The following ELMOD1 variants were observed in gnomAD, a reference collection of about 807,000 sequenced individuals.
ELMOD1 encodes ELMO domain-containing protein 1.
A neutral mutation model predicts 46.7 loss-of-function variants in ELMOD1; 21 were observed. The observed-to-expected ratio is 0.45, with a 90% CI of 0.32 to 0.65. ELMOD1 has a LOEUF of 0.65. ELMOD1 is among the 30% of genes least tolerant of loss of function. The pLI, the probability that ELMOD1 is intolerant of heterozygous loss-of-function variation, is 0.04. For synonymous variants in ELMOD1, 122 were observed against 138.2 expected (o/e 0.88, Z 0.82); for missense variants, 348 against 407.8 (o/e 0.85, Z 1.26).
chr11:107,607,058 G>A (rs1046642499), intron 1 of ELMOD1, among the ~76,000 whole-genome samples: 4 of 152,194 alleles, frequency 2.6e-5, no homozygotes, highest in South Asian at 4.2e-4. Context: ...ACAGAATAGC[G>A]TCCTTTCTCC....
intron 6 of ELMOD1, among the ~76,000 whole-genome samples, chr11:107,642,004 G>A (rs1434128339): frequency 7.0e-6 from 1 of 143,700 alleles, no homozygotes; most frequent in African/African-American, 2.6e-5. Context: ...GAGTGCAGTG[G>A]TGCCATCTCA....
At chr11:107,617,079 T>A (rs75834745) in intron 1 of ELMOD1, among the ~76,000 whole-genome samples, 1 of 152,222 alleles carries the variant, frequency 6.6e-6, no homozygotes, top group Non-Finnish European at 1.5e-5. Context: ...ACACACAAAG[T>A]TGAGAAGATC....
At chr11:107,639,964 C>G (rs1020447329) in intron 6 of ELMOD1, among the ~76,000 whole-genome samples, 1 of 152,124 alleles carries the variant, frequency 6.6e-6, no homozygotes, top group African/African-American at 2.4e-5. Flanking sequence ...GAAGAGCTTA[C>G]CTATTGGAAG....
intron 2 of ELMOD1, 106 bp from the exon 3 acceptor site, chr11:107,630,311 T>C: frequency 9.6e-7 from 1 of 1,040,656 alleles, no homozygotes; most frequent in South Asian, 1.8e-5. Context: ...AAGGTGATTT[T>C]TCTAACCCCT....
chr11:107,653,136 A>C (rs1421086083), intron 9 of ELMOD1, among the ~76,000 whole-genome samples: 1 of 152,206 alleles, frequency 6.6e-6, no homozygotes, highest in East Asian at 1.9e-4. Context: ...AGAAAAGGCC[A>C]TATGACCTTA....
intron 7 of ELMOD1, among the ~76,000 whole-genome samples, chr11:107,650,060 G>A (rs557878835): frequency 2.4e-4 from 37 of 151,972 alleles, no homozygotes; most frequent in Non-Finnish European, 4.3e-4. Context: ...AAAATCCTTG[G>A]TTCTCTGGGT....
chr11:107,654,278 GA>G (rs1866581820), intron 10 of ELMOD1, 56 bp downstream of exon 10: 10 of 1,424,404 alleles, frequency 7.0e-6, no homozygotes, highest in Non-Finnish European at 8.8e-6. Context: ...ACCAGAACTA[GA>G]ACTAGAGTAT....
At chr11:107,642,424 A>T (rs1017186541) in intron 6 of ELMOD1, among the ~76,000 whole-genome samples, 3 of 152,150 alleles carry the variant, frequency 2.0e-5, no homozygotes, top group African/African-American at 7.2e-5. Flanking sequence ...GCTGGAGTGC[A>T]GTGGCACGAT....
intron 9 of ELMOD1, 156 bp from the exon 10 acceptor site, chr11:107,654,016 C>A: frequency 1.6e-6 from 1 of 641,842 alleles, no homozygotes; most frequent in Non-Finnish European, 2.7e-6. Context: ...CATTTCTGAC[C>A]TCCATATAAA....
intron 11 of ELMOD1, among the ~76,000 whole-genome samples, chr11:107,663,475 C>T (rs1866780553): frequency 6.7e-6 from 1 of 148,372 alleles, no homozygotes; most frequent in African/African-American, 2.6e-5. Flanking sequence ...CAAGATCTTT[C>T]CTCTAAAAAA....
intron 1 of ELMOD1, among the ~76,000 whole-genome samples, chr11:107,606,833 A>G (rs1211631095): frequency 1.2e-4 from 19 of 152,082 alleles, no homozygotes; most frequent in Admixed American, 1.2e-3. Flanking sequence ...AAAAAAACCT[A>G]CATCGGTTTC....
At chr11:107,646,968 A>ATCTG (rs1436275655) in intron 6 of ELMOD1, among the ~76,000 whole-genome samples, 4 of 151,576 alleles carry the variant, frequency 2.6e-5, no homozygotes, top group African/African-American at 9.7e-5. Context: ...CTATCTATCT[A>ATCTG]TCTATCTATC....
chr11:107,663,457 C>A (rs1866780114), intron 11 of ELMOD1, among the ~76,000 whole-genome samples: 1 of 150,902 alleles, frequency 6.6e-6, no homozygotes, highest in Admixed American at 6.6e-5. Context: ...ACAGCCTGAG[C>A]AACATTGCAA....
intron 1 of ELMOD1, among the ~76,000 whole-genome samples, chr11:107,611,434 C>T (rs1235270893): frequency 2.6e-5 from 4 of 152,116 alleles, no homozygotes; most frequent in African/African-American, 9.7e-5. Flanking sequence ...GGTGTGGTGG[C>T]TCATGTCTGG....
chr11:107,630,274 A>C, intron 2 of ELMOD1, 143 bp from the exon 3 acceptor site: 1 of 647,862 alleles, frequency 1.5e-6, no homozygotes, highest in South Asian at 2.6e-5. Flanking sequence ...ATAAAGTAGC[A>C]TGGGACTAGA....
At chr11:107,635,565 T>G (rs1336589267) in intron 5 of ELMOD1, 71 bp from the exon 6 acceptor site, 4 of 1,500,378 alleles carry the variant, frequency 2.7e-6, no homozygotes, top group Non-Finnish European at 3.6e-6. Flanking sequence ...CATGCATACA[T>G]CAAGTGAACA....
chr11:107,646,769 C>CT (rs532834204), intron 6 of ELMOD1, among the ~76,000 whole-genome samples: 3,326 of 139,982 alleles, frequency 0.024, 31 homozygotes, highest in Middle Eastern at 0.034. Context: ...TGTCAGTTCA[C>CT]TTTTTTTTTT....
chr11:107,592,017 C>G (rs1261254567), intron 1 of ELMOD1: 5 of 497,930 alleles, frequency 1.0e-5, no homozygotes, highest in African/African-American at 3.9e-5. Flanking sequence ...ATTGGACAGC[C>G]GAGTGGGGAG....
rs533061413 is a variant in ELMOD1 at position 107,645,217 on chromosome 11, G to A, written c.421-2251G>A. ...CTCCCAAAGTGCTAGGATCACAGGC[G>A]TGAGCCACCGTGCCCGGCCCTCTAA... On this transcript the variant is annotated intron_variant, in intron 6 of 11. Transcript: ENST00000265840. 6.9e-4 allele frequency among the ~76,000 whole-genome samples: 104 copies of A among 151,624 alleles called. 1 individual carries two copies. Among genetic ancestry groups the A allele is most frequent in the Admixed American group, 1.7e-3 (26 of 15,216 alleles).
Sources: gnomAD v4.1 joint callset for allele counts (sites outside exome capture counted in the v4.1 genomes callset) on GRCh38, gnomAD v4.1.1 for gene constraint, MANE v1.5 for transcripts, NCBI Gene and HGNC (gene_info 2026-07-23, HGNC 2026-07-21) for gene names.